KAZN: variants seen among roughly 807,000 people sequenced by gnomAD.
KAZN encodes the protein kazrin.
KAZN carries 40 observed loss-of-function variants against 87.4 expected under a neutral mutation model. The ratio of observed to expected loss-of-function variants is 0.46; its 90% CI spans 0.36 to 0.60. KAZN has a LOEUF of 0.60. KAZN is among the 20% of genes least tolerant of loss of function. KAZN has a pLI of 0.00. For synonymous variants in KAZN, 466 were observed against 458.3 expected, an observed-to-expected ratio of 1.02 and a Z score of -0.22; for missense variants, 898 against 1,073.9, an observed-to-expected ratio of 0.84 and a Z score of 2.29.
At chr1:14,641,542 C>G (rs969156440) in intron 1 of KAZN, among the ~76,000 whole-genome samples, 2 of 152,188 alleles carry the variant, frequency 1.3e-5, no homozygotes, top group African/African-American at 4.8e-5. Context: ...GCCTGCATCT[C>G]TGTGCCTCAA....
chr1:14,816,735 GATAA>G (rs1646577863), intron 1 of KAZN, among the ~76,000 whole-genome samples: 1 of 152,062 alleles, frequency 6.6e-6, no homozygotes, highest in Admixed American at 6.5e-5. Context: ...TATCTAGATA[GATAA>G]ATATAGATAG....
chr1:14,620,011 A>G (rs1289676848), intron 1 of KAZN, among the ~76,000 whole-genome samples: 2 of 152,172 alleles, frequency 1.3e-5, no homozygotes, highest in African/African-American at 4.8e-5. Flanking sequence ...GTTCAGTTTT[A>G]GCCTCTTCTC....
In KAZN at chr1:15,034,783, G is replaced by A; in HGVS notation, c.453G>A (p.Glu151=). Residue 151 remains glutamate (E), a synonymous_variant, in exon 3 of 15, where the codon GAG becomes GAA. Coordinates refer to ENST00000376030, the MANE Select transcript of KAZN (RefSeq NM_201628.3). ...CTGATCGGAAGCGCTTAAAGGGCGA[G>A]AAGACAGACCTGGTGAGCCAGATGC... ...MKADRKRLKG[E]KTDLVSQMQQ... is the part of the protein sequence containing the mutation. 6.2e-7 allele frequency: 1 copy of A among 1,614,140 alleles called. No individual in the cohort carries two copies. The highest frequency in any genetic ancestry group is 1.1e-5 in the South Asian group (1 of 91,082).
At chr1:14,871,597 C>T (rs1295313052) in intron 1 of KAZN, among the ~76,000 whole-genome samples, 1 of 150,640 alleles carries the variant, frequency 6.6e-6, no homozygotes, top group East Asian at 2.0e-4. Flanking sequence ...ACTCCCACAG[C>T]CTGAACTAAA....
intron 1 of KAZN, among the ~76,000 whole-genome samples, chr1:14,875,161 G>A (rs1038931084): frequency 2.0e-5 from 3 of 151,702 alleles, no homozygotes; most frequent in African/African-American, 4.8e-5. Flanking sequence ...GAGAAACCCC[G>A]TCTCTACTAA....
intron 1 of KAZN, among the ~76,000 whole-genome samples, chr1:14,044,680 G>A (rs6429824): frequency 0.054 from 8,145 of 152,082 alleles, 746 homozygotes; most frequent in African/African-American, 0.19. Context: ...CTCCTCTCTC[G>A]CCATTAACTG....
chr1:14,998,899 C>A (rs1668176168), intron 2 of KAZN, among the ~76,000 whole-genome samples: 1 of 152,216 alleles, frequency 6.6e-6, no homozygotes. Flanking sequence ...GTGAAGATTC[C>A]CCAGCTTGGT....
chr1:14,822,816 CA>C (rs1250024896), intron 1 of KAZN, among the ~76,000 whole-genome samples: 1 of 152,126 alleles, frequency 6.6e-6, no homozygotes, highest in African/African-American at 2.4e-5. Flanking sequence ...CACGGTGGCC[CA>C]CACATGAAGA....
chr1:14,419,432 G>A (rs1484696310), intron 2 of KAZN, among the ~76,000 whole-genome samples: 1 of 152,140 alleles, frequency 6.6e-6, no homozygotes, highest in Non-Finnish European at 1.5e-5. Context: ...GAACATGAGT[G>A]CCCAAAGCCT....
In KAZN at chr1:14,773,489, G is replaced by A. The variant is rs776675988; in HGVS notation, c.226+174266G>A. On this transcript the variant is annotated intron_variant, in intron 1 of 14. Coordinates refer to ENST00000376030, the MANE Select transcript of KAZN (RefSeq NM_201628.3). The surrounding 1 kb of genome is among the most constrained non-coding windows in gnomAD (Gnocchi z 5.9). ...ACGTAAACACCCCCGAGGGAGGAAG[G>A]CCCTTCCAGAGTGGTCACTGGGAGG... 6.6e-6 allele frequency among the ~76,000 whole-genome samples: 1 copy of A among 152,250 alleles called. No homozygotes were observed. Among genetic ancestry groups the A allele is most frequent in the South Asian group, 2.1e-4 (1 of 4,820 alleles).
chr1:14,285,500 C>T (rs1653176107), intron 2 of KAZN, among the ~76,000 whole-genome samples: 1 of 152,178 alleles, frequency 6.6e-6, no homozygotes, highest in Non-Finnish European at 1.5e-5. Flanking sequence ...CATGTGGATC[C>T]AATGTCCCTG....
intron 1 of KAZN, among the ~76,000 whole-genome samples, chr1:14,621,505 A>G (rs1326046709): frequency 6.6e-6 from 1 of 152,150 alleles, no homozygotes; most frequent in African/African-American, 2.4e-5. Flanking sequence ...ACCTCTTAGG[A>G]CCACACTAAC....
chr1:14,760,232 G>A (rs1644701539), intron 1 of KAZN, among the ~76,000 whole-genome samples: 1 of 151,996 alleles, frequency 6.6e-6, no homozygotes, highest in South Asian at 2.1e-4. Flanking sequence ...TACATCACTT[G>A]GGCCCAAATC....
intron 3 of KAZN, among the ~76,000 whole-genome samples, chr1:15,043,222 G>T (rs76586978): frequency 6.6e-6 from 1 of 152,226 alleles, no homozygotes; most frequent in African/African-American, 2.4e-5. Context: ...GACAATTGGG[G>T]TCGCTGGTGC....
chr1:13,926,750 A>G (rs907287076), intron 1 of KAZN, among the ~76,000 whole-genome samples: 4 of 152,114 alleles, frequency 2.6e-5, no homozygotes, highest in African/African-American at 7.2e-5. Flanking sequence ...AGGTGACAAA[A>G]TGCTGGCTGG....
chr1:15,094,233 G>A lies in KAZN; in HGVS notation c.1276G>A (p.Glu426Lys), dbSNP rs752469043. 8.2e-5 allele frequency: 133 copies of A among 1,613,820 alleles called. No individual in the cohort carries two copies. The highest frequency in any genetic ancestry group is 6.6e-5 in the South Asian group (6 of 91,088). ...GCAGAGCCTCAGCCTGTCGGAAGGC[G>A]AGGAGCAGATGGACCGGCTGCAGCA... Reference protein sequence around the residue: ...TRQSLSLSEGEEQMDRLQQVE... With the variant: ...TRQSLSLSEGKEQMDRLQQVE... The change falls in exon 9 of 15, where the codon GAG becomes AAG. Residue 426 changes from glutamate (E) to lysine (K), a missense_variant. By Grantham distance (56) the Glu-to-Lys change is moderately conservative (BLOSUM62 1). Around this residue, in one of 3 missense-constraint regions of KAZN, gnomAD observed 521 missense variants for 689.4 expected, o/e 0.76. Transcript: ENST00000376030. The surrounding 1 kb of genome is among the most constrained non-coding windows in gnomAD (Gnocchi z 4.5).
chr1:14,944,195 G>A (rs1397126611), intron 1 of KAZN, among the ~76,000 whole-genome samples: 4 of 142,996 alleles, frequency 2.8e-5, no homozygotes, highest in Non-Finnish European at 6.0e-5. Flanking sequence ...ACTTGAGTTT[G>A]TCTGCCTCTT....
chr1:13,973,155 T>G (rs10927973), intron 1 of KAZN, among the ~76,000 whole-genome samples: 31,817 of 152,030 alleles, frequency 0.21, 3,626 homozygotes, highest in East Asian at 0.38. Flanking sequence ...AAAACAGTGA[T>G]CTGGCATTCA....
intron 1 of KAZN, among the ~76,000 whole-genome samples, chr1:14,099,163 G>A (rs1285773773): frequency 6.6e-6 from 1 of 152,104 alleles, no homozygotes; most frequent in East Asian, 1.9e-4. Context: ...GGGGAATAAG[G>A]AATCAGGGCC....
Sources: gnomAD v4.1 joint callset for allele counts (sites outside exome capture counted in the v4.1 genomes callset) on GRCh38, gnomAD v4.1.1 for gene constraint, gnomAD v4.1.1 regional missense constraint, Gnocchi (gnomAD v3.1) non-coding constraint, MANE v1.5 for transcripts, NCBI Gene and HGNC (gene_info 2026-07-23, HGNC 2026-07-21) for gene names.